Variants in SERPINI1 observed in about 807,000 individuals in gnomAD.
SERPINI1 encodes serpin family I member 1.
A neutral mutation model predicts 41.1 loss-of-function variants in SERPINI1; 19 were observed. That is an observed-to-expected ratio of 0.46 (90% CI 0.32 to 0.68). SERPINI1 has a LOEUF of 0.68. SERPINI1 is among the 30% of genes least tolerant of loss of function. SERPINI1 has a pLI of 0.03. For synonymous variants in SERPINI1, 138 were observed against 156.6 expected, an observed-to-expected ratio of 0.88 and a Z score of 0.89; for missense variants, 460 against 479.2, an observed-to-expected ratio of 0.96 and a Z score of 0.37.
chr3:167,784,334 A>G (rs1187813590), intron 1 of SERPINI1, among the ~76,000 whole-genome samples: 1 of 152,186 alleles, frequency 6.6e-6, no homozygotes, highest in Non-Finnish European at 1.5e-5. Flanking sequence ...ACTCTTGCAA[A>G]TAATGTGAGT....
intron 3 of SERPINI1, among the ~76,000 whole-genome samples, chr3:167,792,156 C>T (rs1231117404): frequency 6.6e-6 from 1 of 151,924 alleles, no homozygotes; most frequent in Non-Finnish European, 1.5e-5. Context: ...ACAGAATAAA[C>T]TTTGAAGCAT....
At chr3:167,783,500 T>C (rs1473400793) in intron 1 of SERPINI1, among the ~76,000 whole-genome samples, 1 of 152,096 alleles carries the variant, frequency 6.6e-6, no homozygotes, top group Non-Finnish European at 1.5e-5. Flanking sequence ...TTTTACTTAT[T>C]TGGGAATAGT....
intron 6 of SERPINI1, among the ~76,000 whole-genome samples, chr3:167,812,007 C>A (rs919222965): frequency 1.3e-5 from 2 of 152,144 alleles, no homozygotes; most frequent in East Asian, 1.9e-4. Context: ...AAAAATAAAA[C>A]CTGCTTTGCT....
intron 1 of SERPINI1, among the ~76,000 whole-genome samples, chr3:167,762,581 CT>C: frequency 6.6e-6 from 1 of 152,276 alleles, no homozygotes; most frequent in Non-Finnish European, 1.5e-5. Flanking sequence ...ATTAACCAGA[CT>C]CATTCCTCAG....
At chr3:167,766,792 C>G (rs755965795) in intron 1 of SERPINI1, among the ~76,000 whole-genome samples, 17 of 152,200 alleles carry the variant, frequency 1.1e-4, no homozygotes, top group Non-Finnish European at 2.1e-4. Context: ...GAGCAATAGC[C>G]TAACTCCTAA....
intron 5 of SERPINI1, among the ~76,000 whole-genome samples, chr3:167,803,779 A>C (rs1231317473): frequency 6.6e-6 from 1 of 152,218 alleles, no homozygotes; most frequent in Admixed American, 6.5e-5. Context: ...GACAACTGTA[A>C]TACCACCTGG....
chr3:167,795,047 C>T (rs1323181325), intron 5 of SERPINI1, among the ~76,000 whole-genome samples: 3 of 151,854 alleles, frequency 2.0e-5, no homozygotes, highest in African/African-American at 7.3e-5. Context: ...TGGTCCTTCC[C>T]GTAGACACAT....
intron 1 of SERPINI1, among the ~76,000 whole-genome samples, chr3:167,767,749 T>C (rs1726611718): frequency 6.6e-6 from 1 of 152,190 alleles, no homozygotes; most frequent in African/African-American, 2.4e-5. Flanking sequence ...TTTGAGGGGT[T>C]CATTGAAGTC....
At chr3:167,814,132 A>C (rs915856019) in intron 6 of SERPINI1, among the ~76,000 whole-genome samples, 3 of 152,196 alleles carry the variant, frequency 2.0e-5, no homozygotes, top group Non-Finnish European at 4.4e-5. Context: ...TTATCTTGTT[A>C]GCTTAGTTAT....
At chr3:167,763,396 T>TGTGTGTGTGTGTGTG (rs1559999128) in intron 1 of SERPINI1, among the ~76,000 whole-genome samples, 3 of 151,480 alleles carry the variant, frequency 2.0e-5, no homozygotes, top group African/African-American at 7.3e-5. Flanking sequence ...TGTGTGTGTG[T>TGTGTGTGTGTGTGTG]TGAGACAGGA....
At chr3:167,752,150 G>T (rs777043830) in intron 1 of SERPINI1, among the ~76,000 whole-genome samples, 15 of 152,140 alleles carry the variant, frequency 9.9e-5, no homozygotes, top group Non-Finnish European at 1.9e-4. Context: ...GGGTTTCCCA[G>T]AGCTTGGCCA....
intron 1 of SERPINI1, among the ~76,000 whole-genome samples, chr3:167,753,753 C>A (rs914339394): frequency 6.6e-6 from 1 of 152,040 alleles, no homozygotes. Flanking sequence ...TGCCTAGAAC[C>A]AATGTCACAA....
At chr3:167,743,716 A>G (rs1413043963) in intron 1 of SERPINI1, among the ~76,000 whole-genome samples, 3 of 152,172 alleles carry the variant, frequency 2.0e-5, no homozygotes, top group African/African-American at 7.2e-5. Context: ...TTTTGTCAAT[A>G]TAGTTAATAA....
intron 5 of SERPINI1, 107 bp from the exon 6 acceptor site, chr3:167,807,137 T>C: frequency 1.3e-6 from 1 of 790,626 alleles, no homozygotes; most frequent in African/African-American, 1.7e-5. Context: ...TAGCATAATT[T>C]ACTCTCCATA....
At chr3:167,824,595 A>G (rs757590771) in intron 8 of SERPINI1, 33 bp downstream of exon 8, 61 of 1,386,878 alleles carry the variant, frequency 4.4e-5, no homozygotes, top group Middle Eastern at 1.9e-4. Context: ...ATTTTATTTA[A>G]TAGGTCACAA....
chr3:167,816,106 G>A (rs569924791), intron 6 of SERPINI1, among the ~76,000 whole-genome samples: 94 of 152,178 alleles, frequency 6.2e-4, no homozygotes, highest in Non-Finnish European at 1.2e-3. Context: ...GCAGTGGTGC[G>A]ATCTTGGCTC....
chr3:167,808,855 G>A (rs1169725645), intron 6 of SERPINI1, among the ~76,000 whole-genome samples: 2 of 152,102 alleles, frequency 1.3e-5, no homozygotes, highest in Admixed American at 6.6e-5. Flanking sequence ...AATAGCTTTC[G>A]AGAAATTCTC....
intron 1 of SERPINI1, among the ~76,000 whole-genome samples, chr3:167,786,671 A>G (rs1727325356): frequency 6.6e-6 from 1 of 152,190 alleles, no homozygotes; most frequent in Non-Finnish European, 1.5e-5. Context: ...GTTACCGTAG[A>G]ATTTATAAAC....
chr3:167,762,059 G>A (rs868190391), intron 1 of SERPINI1, among the ~76,000 whole-genome samples: 2 of 152,024 alleles, frequency 1.3e-5, no homozygotes, highest in African/African-American at 4.8e-5. Context: ...TTCCACCCTT[G>A]GTCTCGATGA....
Sources: allele counts gnomAD v4.1 joint callset (sites outside exome capture counted in the v4.1 genomes callset), GRCh38; gene constraint gnomAD v4.1.1; transcripts MANE v1.5; gene names NCBI Gene and HGNC (gene_info 2026-07-23, HGNC 2026-07-21).